ITGAV: variants seen among roughly 807,000 people sequenced by gnomAD.
The protein encoded by ITGAV is integrin alpha-V.
In ITGAV, 76 loss-of-function variants were observed where a neutral mutation model predicts 143.8. The observed-to-expected ratio is 0.53, with a 90% CI of 0.44 to 0.64. The LOEUF is 0.64. Among genes scored for constraint, ITGAV ranks in the 30% least tolerant of loss-of-function variants. The probability of loss-of-function intolerance (pLI) is 0.00; values close to 1 mark genes in which losing one functional copy is unlikely to be tolerated. For synonymous variants in ITGAV, 453 were observed against 446.7 expected, an observed-to-expected ratio of 1.01 and a Z score of -0.18; for missense variants, 1,193 against 1,274.7, an observed-to-expected ratio of 0.94 and a Z score of 0.98.
chr2:186,601,641 GCA>G (rs373696287), intron 1 of ITGAV, among the ~76,000 whole-genome samples: 1 of 149,774 alleles, frequency 6.7e-6, no homozygotes, highest in Admixed American at 6.7e-5. Flanking sequence ...ACACGCACAT[GCA>G]CACACACACA....
chr2:186,625,674 T>TGC (rs1687656819), intron 4 of ITGAV, 87 bp downstream of exon 4: 3 of 574,644 alleles, frequency 5.2e-6, no homozygotes, highest in African/African-American at 4.3e-5. Flanking sequence ...TGTGTGTGTG[T>TGC]GTGTGAGAGA....
At chr2:186,667,551 G>T in intron 23 of ITGAV, 120 bp from the exon 24 acceptor site, 1 of 533,852 alleles carries the variant, frequency 1.9e-6, no homozygotes. Flanking sequence ...TTCTTTTAAA[G>T]TATTTTTTAA....
intron 1 of ITGAV, among the ~76,000 whole-genome samples, chr2:186,591,385 C>T (rs1431810537): frequency 1.3e-5 from 2 of 152,010 alleles, no homozygotes; most frequent in Non-Finnish European, 2.9e-5. Flanking sequence ...TTCTCACCAC[C>T]CCACCCCCAT....
Position 186,640,968 on chromosome 2 carries a change from G to A in ITGAV, c.956+1G>A, listed in dbSNP as rs1201889589. On this transcript the variant is annotated splice_donor_variant, in intron 11 of 29. Transcript: ENST00000261023. LOFTEE classifies it high-confidence loss of function. Reference sequence around the variant, plus strand: ...CTGCCACTGACATTAATGGAGATGAGTAAGTTTAAAAAAAAATGTTTCCAG... The same window carrying A: ...CTGCCACTGACATTAATGGAGATGAATAAGTTTAAAAAAAAATGTTTCCAG... The A allele has an allele frequency of 6.3e-7, 1 of 1,590,108 alleles. No homozygotes were observed. Among genetic ancestry groups the A allele is most frequent in the Non-Finnish European group, 8.6e-7 (1 of 1,164,120 alleles).
chr2:186,664,466 A>G (rs1413728512), intron 19 of ITGAV, 28 bp from the exon 20 acceptor site: 3 of 1,598,740 alleles, frequency 1.9e-6, no homozygotes, highest in East Asian at 4.5e-5. Flanking sequence ...TTTTTTTCTC[A>G]GTCTGGATTT....
chr2:186,652,059 C>G lies in ITGAV; in HGVS notation c.1475C>G (p.Ser492Ter). The G allele has an allele frequency of 6.2e-7, 1 of 1,611,510 alleles. No homozygotes were observed. The highest frequency in any genetic ancestry group is 8.5e-7 in the Non-Finnish European group (1 of 1,177,706). Residue 492 changes from serine (S) to a stop codon, truncating the protein, a stop_gained, in exon 15 of 30, where the codon TCA becomes TGA. Coordinates refer to ENST00000261023, the MANE Select transcript of ITGAV (RefSeq NM_002210.5). LOFTEE classifies it high-confidence loss of function. The stretch of plus-strand genomic sequence containing the variant: ...TTAAATCAAGACAATAAAACCTGCT[C>G]ACTGCCTGGAACAGCTCTCAAAGTT... ...SILNQDNKTC[S>*]LPGTALKVSC...
intron 2 of ITGAV, among the ~76,000 whole-genome samples, chr2:186,606,280 T>C (rs1350605609): frequency 6.6e-6 from 1 of 152,170 alleles, no homozygotes; most frequent in Non-Finnish European, 1.5e-5. Context: ...TGAGCAGATA[T>C]GTGGGGTTTC....
At chr2:186,590,581 C>T in intron 1 of ITGAV, 58 bp downstream of exon 1, 1 of 1,481,924 alleles carries the variant, frequency 6.7e-7, no homozygotes, top group African/African-American at 1.4e-5. Context: ...CGCACCCACC[C>T]AGCGTTTCTC....
chr2:186,638,812 A>G (rs1164570619), intron 10 of ITGAV, among the ~76,000 whole-genome samples: 1 of 151,882 alleles, frequency 6.6e-6, no homozygotes, highest in Non-Finnish European at 1.5e-5. Context: ...CATAATATTC[A>G]ATATTCTAGA....
chr2:186,653,892 T>G (rs557308644), intron 15 of ITGAV, among the ~76,000 whole-genome samples: 2 of 152,324 alleles, frequency 1.3e-5, no homozygotes, highest in South Asian at 4.1e-4. Context: ...TTTTATTTAT[T>G]TATTAAAAAA....
chr2:186,609,051 C>T (rs1188564570), intron 2 of ITGAV, among the ~76,000 whole-genome samples: 1 of 152,104 alleles, frequency 6.6e-6, no homozygotes, highest in East Asian at 1.9e-4. Context: ...GTCTAAGTCT[C>T]ATATCTGTGA....
chr2:186,632,502 T>C (rs1381834628), intron 5 of ITGAV, among the ~76,000 whole-genome samples: 2 of 152,128 alleles, frequency 1.3e-5, no homozygotes, highest in Non-Finnish European at 2.9e-5. Context: ...AAAAAATTTA[T>C]CTTACCTCCA....
At chr2:186,629,779 A>G (rs1280161490) in intron 4 of ITGAV, among the ~76,000 whole-genome samples, 3 of 152,070 alleles carry the variant, frequency 2.0e-5, no homozygotes, top group Admixed American at 6.6e-5. Context: ...TATTTGTAAC[A>G]TTGGCCACAG....
In ITGAV at chr2:186,624,108, G is replaced by C. The variant is rs61763630; in HGVS notation, c.409-1365G>C. On this transcript the variant is annotated intron_variant, in intron 3 of 29. Transcript: ENST00000261023. ...CTCTCACTCCATCTCACATACTAAAGCCAGGCTTATCTTTATTTCTTATAC... is the reference window on the plus strand; with the variant it reads ...CTCTCACTCCATCTCACATACTAAACCCAGGCTTATCTTTATTTCTTATAC... Among the ~76,000 whole-genome samples, 296 of 152,120 alleles carry C rather than the reference G, an allele frequency of 1.9e-3. 1 individual carries two copies. The highest frequency in any genetic ancestry group is 3.4e-3 in the Middle Eastern group (1 of 294).
rs762615803 is a variant in ITGAV at position 186,667,159 on chromosome 2, A to G, written c.2256A>G (p.Leu752=). 10 of 1,605,666 alleles carry G rather than the reference A, an allele frequency of 6.2e-6. No individual in the cohort carries two copies. The highest frequency in any genetic ancestry group is 5.9e-6 in the Non-Finnish European group (7 of 1,176,586). ...KFDLQIQSSN[L]FDKVSPVVSH... ...TTTTTTTCTTTTTCAGCTCAAATCT[A>G]TTTGACAAAGTAAGCCCAGTTGTAT... Residue 752 remains leucine, a synonymous_variant, in exon 23 of 30, where the codon CTA becomes CTG. Transcript: ENST00000261023.
At chr2:186,659,849 GTCTTT>G (rs1688696355) in intron 18 of ITGAV, among the ~76,000 whole-genome samples, 2 of 150,478 alleles carry the variant, frequency 1.3e-5, no homozygotes, top group South Asian at 4.2e-4. Flanking sequence ...ATTTTTAAAA[GTCTTT>G]TCTAATTTTT....
At chr2:186,626,746 G>T (rs1306870662) in intron 4 of ITGAV, among the ~76,000 whole-genome samples, 2 of 152,172 alleles carry the variant, frequency 1.3e-5, no homozygotes, top group East Asian at 3.9e-4. Context: ...TCTGTATTGT[G>T]TGTTAGGAAA....
chr2:186,669,007 A>C, intron 25 of ITGAV, 87 bp downstream of exon 25: 1 of 1,245,694 alleles, frequency 8.0e-7, no homozygotes, highest in Non-Finnish European at 1.1e-6. Context: ...AAAATAAAAC[A>C]ACTATTTTAA....
chr2:186,597,468 T>G (rs1328210062), intron 1 of ITGAV, among the ~76,000 whole-genome samples: 1 of 152,250 alleles, frequency 6.6e-6, no homozygotes, highest in Non-Finnish European at 1.5e-5. Flanking sequence ...TTGAATTTAC[T>G]TTGTTACTCC....
Sources: allele counts gnomAD v4.1 joint callset (sites outside exome capture counted in the v4.1 genomes callset), GRCh38; gene constraint gnomAD v4.1.1; transcripts MANE v1.5; gene names NCBI Gene and HGNC (gene_info 2026-07-23, HGNC 2026-07-21).